The following RBFOX1 variants were observed in gnomAD, a reference collection of about 807,000 sequenced individuals.
RBFOX1 encodes the protein RNA binding fox-1 homolog 1.
In RBFOX1, 8 loss-of-function variants were observed where a neutral mutation model predicts 57.7. That is an observed-to-expected ratio of 0.14 (90% confidence interval 0.08 to 0.25). The LOEUF is 0.25. Ranked by LOEUF, RBFOX1 falls within the 10% of genes least tolerant of loss-of-function variation. The probability of loss-of-function intolerance (pLI) is 1.00; values close to 1 mark genes in which losing one functional copy is unlikely to be tolerated. For synonymous variants in RBFOX1, 326 were observed against 222.4 expected (o/e 1.47, Z -4.15); for missense variants, 611 against 548.5 (o/e 1.11, Z -1.14).
At chr16:7,194,735 C>A (rs1212703838) in intron 4 of RBFOX1, among the ~76,000 whole-genome samples, 1 of 151,238 alleles carries the variant, frequency 6.6e-6, no homozygotes, top group Non-Finnish European at 1.5e-5. Context: ...CAAGACCAGC[C>A]TGGGGAATAT....
intron 3 of RBFOX1, among the ~76,000 whole-genome samples, chr16:6,999,563 A>G (rs1055241777): frequency 3.3e-5 from 5 of 152,248 alleles, no homozygotes; most frequent in African/African-American, 1.2e-4. Flanking sequence ...GTAGAATAGT[A>G]TACTGATCCC....
chr16:6,217,971 C>G (rs8051578), intron 1 of RBFOX1, among the ~76,000 whole-genome samples: 147,467 of 152,346 alleles, frequency 0.97, 71,522 homozygotes, highest in East Asian at 1. Flanking sequence ...AGCTGGGATC[C>G]TGCCACTGCA....
intron 1 of RBFOX1, among the ~76,000 whole-genome samples, chr16:5,391,191 C>G (rs2066398104): frequency 6.6e-6 from 1 of 152,190 alleles, no homozygotes; most frequent in African/African-American, 2.4e-5. Flanking sequence ...AGTTTACTTG[C>G]AGCTGTAAAA....
intron 4 of RBFOX1, among the ~76,000 whole-genome samples, chr16:5,994,641 CA>C (rs975455762): frequency 8.5e-5 from 13 of 152,294 alleles, no homozygotes; most frequent in African/African-American, 2.9e-4. Context: ...CTCTGCTCTG[CA>C]GTGGGAAAAC....
chr16:6,987,370 C>T (rs1375554887), intron 3 of RBFOX1, among the ~76,000 whole-genome samples: 2 of 151,830 alleles, frequency 1.3e-5, no homozygotes, highest in East Asian at 1.9e-4. Flanking sequence ...CCTAAAATCT[C>T]ATCACTACCA....
intron 3 of RBFOX1, among the ~76,000 whole-genome samples, chr16:6,683,411 A>C (rs111850144): frequency 1.1e-4 from 17 of 152,290 alleles, no homozygotes; most frequent in African/African-American, 4.1e-4. Context: ...TAGGAGATGC[A>C]TGCTAATGTA....
chr16:5,752,199 C>T (rs1409957391), intron 3 of RBFOX1, among the ~76,000 whole-genome samples: 1 of 152,174 alleles, frequency 6.6e-6, no homozygotes, highest in Non-Finnish European at 1.5e-5. Context: ...CATGTTCTTA[C>T]TTAGAAGTGG....
intron 3 of RBFOX1, among the ~76,000 whole-genome samples, chr16:6,859,626 G>A (rs767388135): frequency 6.6e-6 from 1 of 151,974 alleles, no homozygotes; most frequent in African/African-American, 2.4e-5. Context: ...TCTCTGTGTC[G>A]ATAACCTCCA....
chr16:6,534,021 A>T (rs1016621917), intron 2 of RBFOX1, among the ~76,000 whole-genome samples: 1 of 152,196 alleles, frequency 6.6e-6, no homozygotes, highest in African/African-American at 2.4e-5. Flanking sequence ...ATACATACAC[A>T]AAGAGCTGTG....
intron 1 of RBFOX1, among the ~76,000 whole-genome samples, chr16:6,062,671 A>G (rs1267847681): frequency 1.3e-5 from 2 of 149,826 alleles, no homozygotes; most frequent in African/African-American, 4.9e-5. Flanking sequence ...ATACATAGAT[A>G]TATATCTATA....
At chr16:6,502,334 G>C (rs936012692) in intron 2 of RBFOX1, among the ~76,000 whole-genome samples, 11 of 152,120 alleles carry the variant, frequency 7.2e-5, no homozygotes, top group African/African-American at 2.4e-4. Flanking sequence ...CTTCAGCTCT[G>C]TGACGTTCCC....
At chr16:6,136,092 G>A (rs1486997996) in intron 1 of RBFOX1, among the ~76,000 whole-genome samples, 1 of 152,064 alleles carries the variant, frequency 6.6e-6, no homozygotes, top group African/African-American at 2.4e-5. Flanking sequence ...TCTGTGCCTG[G>A]CCTGTTTTGA....
At chr16:5,723,877 G>A (rs1381638777) in intron 3 of RBFOX1, among the ~76,000 whole-genome samples, 2 of 152,182 alleles carry the variant, frequency 1.3e-5, no homozygotes, top group South Asian at 2.1e-4. Flanking sequence ...CAGCAAAGTC[G>A]CTTCTACATG....
intron 15 of RBFOX1, chr16:7,709,635 A>G: frequency 6.5e-7 from 1 of 1,531,218 alleles, no homozygotes; most frequent in South Asian, 1.2e-5. Context: ...CCCAGGAAAG[A>G]AAATAGAGAG....
intron 4 of RBFOX1, among the ~76,000 whole-genome samples, chr16:7,228,153 C>T (rs1022371514): frequency 4.6e-5 from 7 of 152,048 alleles, no homozygotes; most frequent in African/African-American, 1.2e-4. Context: ...CTGTAAGTTC[C>T]GCGAGAGCAG....
chr16:5,351,563 G>T (rs918260836), intron 1 of RBFOX1, among the ~76,000 whole-genome samples: 1 of 152,196 alleles, frequency 6.6e-6, no homozygotes, highest in Non-Finnish European at 1.5e-5. Context: ...AACTCAAGGT[G>T]TTATGAAGGT....
intron 4 of RBFOX1, among the ~76,000 whole-genome samples, chr16:7,105,188 A>C (rs1056599293): frequency 6.6e-6 from 1 of 151,788 alleles, no homozygotes; most frequent in Non-Finnish European, 1.5e-5. Context: ...AACCAGTCAC[A>C]TTGGCTTGGC....
At chr16:5,245,880 A>C (rs1049569022) in intron 1 of RBFOX1, among the ~76,000 whole-genome samples, 1 of 152,270 alleles carries the variant, frequency 6.6e-6, no homozygotes, top group Non-Finnish European at 1.5e-5. Context: ...TATTTTGACC[A>C]AAACATATTA....
intron 4 of RBFOX1, among the ~76,000 whole-genome samples, chr16:7,316,753 G>A (rs1225364452): frequency 6.6e-6 from 1 of 152,060 alleles, no homozygotes; most frequent in East Asian, 1.9e-4. Flanking sequence ...CAAGGAGGTG[G>A]GGTCAGGGTG....
Sources: allele counts gnomAD v4.1 joint callset (sites outside exome capture counted in the v4.1 genomes callset), GRCh38; gene constraint gnomAD v4.1.1; transcripts MANE v1.5; gene names NCBI Gene and HGNC (gene_info 2026-07-23, HGNC 2026-07-21).